The following MYO9A variants were observed in gnomAD, a reference collection of about 807,000 sequenced individuals.
MYO9A encodes unconventional myosin-IXa.
A neutral mutation model predicts 293.3 loss-of-function variants in MYO9A; 103 were observed. The ratio of observed to expected loss-of-function variants is 0.35; its 90% confidence interval spans 0.30 to 0.41. The LOEUF (loss-of-function observed/expected upper bound fraction) is 0.41. Ranked by LOEUF, MYO9A falls within the 10% of genes least tolerant of loss-of-function variation. The pLI is 1.00. For missense variants in MYO9A, 2,685 were observed against 3,033.0 expected (o/e 0.89, Z 2.69); for synonymous variants, 1,001 against 1,035.7 (o/e 0.97, Z 0.64).
At chr15:72,044,809 G>A (rs752499789) in intron 2 of MYO9A, among the ~76,000 whole-genome samples, 36 of 152,212 alleles carry the variant, frequency 2.4e-4, no homozygotes, top group Non-Finnish European at 5.0e-4. Flanking sequence ...CCATCACAAT[G>A]CAGTTAGACA....
chr15:72,090,989 TAAATAAA>T (rs2079887405), intron 1 of MYO9A, among the ~76,000 whole-genome samples: 1 of 150,344 alleles, frequency 6.7e-6, no homozygotes, highest in Non-Finnish European at 1.5e-5. Flanking sequence ...AAAAAATAAA[TAAATAAA>T]AAATAAAAAA....
At chr15:71,864,768 A>G (rs546246912) in intron 32 of MYO9A, among the ~76,000 whole-genome samples, 11 of 152,324 alleles carry the variant, frequency 7.2e-5, no homozygotes, top group Non-Finnish European at 7.4e-5. Context: ...ATATCCAGAA[A>G]AGGTAAGACT....
At chr15:72,039,308 G>T (rs1360601500) in intron 2 of MYO9A, among the ~76,000 whole-genome samples, 3 of 152,088 alleles carry the variant, frequency 2.0e-5, no homozygotes, top group African/African-American at 7.2e-5. Flanking sequence ...AAAGTTCACT[G>T]ATTTGAAGTT....
intron 39 of MYO9A, among the ~76,000 whole-genome samples, chr15:71,847,911 A>G (rs150401864): frequency 6.6e-5 from 10 of 152,288 alleles, no homozygotes; most frequent in African/African-American, 2.2e-4. Context: ...CAGGCAGATT[A>G]AATAATAAAG....
chr15:72,034,845 T>C (rs149287695), intron 2 of MYO9A, among the ~76,000 whole-genome samples: 24 of 152,376 alleles, frequency 1.6e-4, no homozygotes, highest in African/African-American at 5.8e-4. Context: ...TGCCCAAGGC[T>C]ACAATGTCAA....
At chr15:71,951,438 T>C (rs1045459864) in intron 15 of MYO9A, among the ~76,000 whole-genome samples, 1 of 142,408 alleles carries the variant, frequency 7.0e-6, no homozygotes, top group African/African-American at 2.5e-5. Flanking sequence ...GTTTTTTTTG[T>C]TGTTTTTTTT....
At chr15:71,983,529 T>C (rs886511936) in intron 11 of MYO9A, among the ~76,000 whole-genome samples, 1 of 142,704 alleles carries the variant, frequency 7.0e-6, no homozygotes, top group African/African-American at 2.7e-5. Context: ...CAGGATGGAG[T>C]GCAATAGCGT....
chr15:71,973,834 C>A (rs1180487906), intron 12 of MYO9A, among the ~76,000 whole-genome samples: 1 of 152,186 alleles, frequency 6.6e-6, no homozygotes, highest in Non-Finnish European at 1.5e-5. Flanking sequence ...TGCTGAGAAG[C>A]GCTAAATCTA....
At chr15:71,831,186 C>CT (rs1016484149) in intron 39 of MYO9A, among the ~76,000 whole-genome samples, 1 of 152,124 alleles carries the variant, frequency 6.6e-6, no homozygotes, top group African/African-American at 2.4e-5. Flanking sequence ...GGCTGTGACT[C>CT]TAAACAGAGC....
intron 39 of MYO9A, among the ~76,000 whole-genome samples, chr15:71,839,808 T>C (rs1176149982): frequency 6.6e-6 from 1 of 152,180 alleles, no homozygotes; most frequent in Admixed American, 6.5e-5. Flanking sequence ...CCACTCACAT[T>C]ATAATCCTTT....
At chr15:71,846,448 A>G (rs1407969862) in intron 39 of MYO9A, among the ~76,000 whole-genome samples, 1 of 152,222 alleles carries the variant, frequency 6.6e-6, no homozygotes, top group Non-Finnish European at 1.5e-5. Context: ...ATAAAGGTCT[A>G]GTCTGCCCTG....
In MYO9A at chr15:71,854,493, A is replaced by G. The variant is rs2055784958; in HGVS notation, c.6230T>C (p.Leu2077Ser). The change falls in exon 35 of 42, where the codon TTA becomes TCA. Residue 2077 changes from leucine (L) to serine (S), a missense_variant. By Grantham distance (145) the Leu-to-Ser change is moderately radical (BLOSUM62 -2). This residue lies in a region of MYO9A where 238 missense variants were observed against 269.1 expected (regional missense o/e 0.88). Coordinates refer to ENST00000356056, the MANE Select transcript of MYO9A (RefSeq NM_006901.4). ...GTAGTTTATGAGCTTTTCCACTACT[A>G]AAGGAACAGTTCGGTCTTCACTGGT... is the stretch of plus-strand genomic sequence containing the variant. Reference protein sequence around the residue: ...RLTSEDRTVPLVVEKLINYIE... With the variant: ...RLTSEDRTVPSVVEKLINYIE... 1.2e-6 allele frequency: 2 copies of G among 1,613,692 alleles called. No individual in the cohort carries two copies. The highest frequency in any genetic ancestry group is 2.2e-5 in the East Asian group (1 of 44,886).
At chr15:72,087,227 T>C (rs2079766485) in intron 1 of MYO9A, among the ~76,000 whole-genome samples, 1 of 152,126 alleles carries the variant, frequency 6.6e-6, no homozygotes, top group Non-Finnish European at 1.5e-5. Flanking sequence ...CATGCTCAGG[T>C]TGATGGGCAA....
At chr15:72,086,761 G>GT in intron 1 of MYO9A, among the ~76,000 whole-genome samples, 1 of 24,434 alleles carries the variant, frequency 4.1e-5, no homozygotes. Flanking sequence ...TTTTTTTGTT[G>GT]TTTTTGTTGT....
intron 37 of MYO9A, 31 bp downstream of exon 37, chr15:71,851,222 T>C: frequency 6.6e-7 from 1 of 1,515,218 alleles, no homozygotes; most frequent in Non-Finnish European, 9.1e-7. Context: ...GAGAAACTAT[T>C]AAAAATCGTT....
intron 1 of MYO9A, among the ~76,000 whole-genome samples, chr15:72,047,774 CT>C (rs11397735): frequency 4.2e-4 from 31 of 74,394 alleles, no homozygotes; most frequent in African/African-American, 1.5e-3. Flanking sequence ...CAGTTACTTC[CT>C]TTTTTTTTTT....
At chr15:72,026,292 AAAAAGAAAG>A (rs2077670336) in intron 4 of MYO9A, among the ~76,000 whole-genome samples, 3 of 146,002 alleles carry the variant, frequency 2.1e-5, no homozygotes, top group Non-Finnish European at 4.5e-5. Flanking sequence ...AAAAAAAAAA[AAAAAGAAAG>A]AAAAGAAATC....
intron 19 of MYO9A, among the ~76,000 whole-genome samples, chr15:71,915,294 C>A (rs748748243): frequency 2.6e-5 from 4 of 152,016 alleles, no homozygotes; most frequent in African/African-American, 4.8e-5. Context: ...CAACCAAATG[C>A]CATTAACCCA....
At position 71,988,996 on chromosome 15, in the gene MYO9A, G is replaced by A. The variant is rs541810709; in HGVS notation, c.1722+2107C>T. Among the ~76,000 whole-genome samples, 142 of 152,264 alleles carry A rather than the reference G, an allele frequency of 9.3e-4. 1 individual carries two copies. Among genetic ancestry groups the A allele is most frequent in the South Asian group, 5.6e-3 (27 of 4,822 alleles). The stretch of plus-strand genomic sequence containing the variant: ...TGCAACCTACGCCGCCCACATTCAG[G>A]TGATTCTCCTGCCTCAGCCTCCTTA... On this transcript the variant is annotated intron_variant, in intron 11 of 41. Transcript: ENST00000356056.
Sources: gnomAD v4.1 joint callset for allele counts (sites outside exome capture counted in the v4.1 genomes callset) on GRCh38, gnomAD v4.1.1 for gene constraint, gnomAD v4.1.1 regional missense constraint, MANE v1.5 for transcripts, NCBI Gene and HGNC (gene_info 2026-07-23, HGNC 2026-07-21) for gene names.